Variants in ASS1 observed in about 807,000 individuals in gnomAD.
ASS1 encodes argininosuccinate synthase 1.
A neutral mutation model predicts 60.5 loss-of-function variants in ASS1; 58 were observed. The observed-to-expected ratio is 0.96, with a 90% CI of 0.78 to 1.19. The LOEUF is 1.19. Among genes scored for constraint, ASS1 ranks in the 50% most tolerant of loss-of-function variants. The pLI is 0.00. For missense variants in ASS1, 454 were observed against 547.3 expected (o/e 0.83, Z 1.70); for synonymous variants, 200 against 206.9 (o/e 0.97, Z 0.29).
intron 1 of ASS1, among the ~76,000 whole-genome samples, chr9:130,451,374 G>T (rs962153029): frequency 6.6e-6 from 1 of 152,200 alleles, no homozygotes; most frequent in Non-Finnish European, 1.5e-5. Context: ...TTAGGCCTCT[G>T]CCTGTCTATC....
intron 11 of ASS1, among the ~76,000 whole-genome samples, chr9:130,480,757 T>G (rs1241835343): frequency 1.3e-5 from 2 of 152,038 alleles, no homozygotes; most frequent in African/African-American, 4.8e-5. Context: ...CTGTCTTGTG[T>G]CTGGGGTGGG....
rs972054082 is a variant in ASS1 at position 130,477,484 on chromosome 9, C to T, written c.688+523C>T. ...TCTGGGCCTCACCCTGCTGACCCCACGTTCAAAGCTGCGGCCACTCTTGCT... is the reference window on the plus strand; with the variant it reads ...TCTGGGCCTCACCCTGCTGACCCCATGTTCAAAGCTGCGGCCACTCTTGCT... On this transcript the variant is annotated intron_variant, in intron 9 of 14. Transcript: ENST00000352480. The surrounding 1 kb of genome is among the most constrained non-coding windows in gnomAD (Gnocchi z 4.2). 3.9e-5 allele frequency among the ~76,000 whole-genome samples: 6 copies of T among 152,216 alleles called. No individual in the cohort carries two copies. Among genetic ancestry groups the T allele is most frequent in the Non-Finnish European group, 8.8e-5 (6 of 68,040 alleles).
In ASS1 at chr9:130,459,602, T is replaced by G. The variant is rs764165230; in HGVS notation, c.363+1013T>G. On this transcript the variant is annotated intron_variant, in intron 4 of 14. Coordinates refer to ENST00000352480, the MANE Select transcript of ASS1 (RefSeq NM_054012.4). This position sits in a 1 kb window ranked among gnomAD's most constrained non-coding sequence, Gnocchi z 4.6. Reference sequence around the variant, plus strand: ...GTGTACCCCACCACACCCGGCTAATTTTTTGTATTTTTAGTAGAGACGGGG... The same window carrying G: ...GTGTACCCCACCACACCCGGCTAATGTTTTGTATTTTTAGTAGAGACGGGG... Among the ~76,000 whole-genome samples the G allele has an allele frequency of 2.6e-5, 4 of 151,952 alleles. No homozygotes were observed. The highest frequency in any genetic ancestry group is 4.4e-5 in the Non-Finnish European group (3 of 68,002).
At chr9:130,445,476 G>A (rs567416213) in intron 1 of ASS1, among the ~76,000 whole-genome samples, 200 of 152,190 alleles carry the variant, frequency 1.3e-3, no homozygotes, top group Non-Finnish European at 1.8e-3. Flanking sequence ...GCCCCTCTGG[G>A]GCTTGGACGT....
At chr9:130,463,381 T>A (rs1845651479) in intron 4 of ASS1, among the ~76,000 whole-genome samples, 1 of 152,142 alleles carries the variant, frequency 6.6e-6, no homozygotes, top group South Asian at 2.1e-4. Context: ...GGGGTAACGT[T>A]CACAGCTCAG....
chr9:130,487,637 T>C (rs1395818553), intron 11 of ASS1, among the ~76,000 whole-genome samples: 3 of 152,098 alleles, frequency 2.0e-5, no homozygotes, highest in Non-Finnish European at 4.4e-5. Flanking sequence ...GCTGTATGAT[T>C]TTGATGACTC....
In ASS1 at chr9:130,494,061, A is replaced by G. The variant is rs1161510316; in HGVS notation, c.971-806A>G. On this transcript the variant is annotated intron_variant, in intron 12 of 14. Coordinates refer to ENST00000352480, the MANE Select transcript of ASS1 (RefSeq NM_054012.4). This position sits in a 1 kb window ranked among gnomAD's most constrained non-coding sequence, Gnocchi z 4.3. Reference sequence around the variant, plus strand: ...CTGGAGAAGTTTCTTAACTTCTCTGAGCCTCCCTTCCTCACCCAGAAAGGG... The same window carrying G: ...CTGGAGAAGTTTCTTAACTTCTCTGGGCCTCCCTTCCTCACCCAGAAAGGG... Among the ~76,000 whole-genome samples, 1 of 152,180 alleles carries G rather than the reference A, an allele frequency of 6.6e-6. No homozygotes were observed. Among genetic ancestry groups the G allele is most frequent in the African/African-American group, 2.4e-5 (1 of 41,446 alleles).
intron 11 of ASS1, among the ~76,000 whole-genome samples, chr9:130,484,978 G>C (rs1478857153): frequency 1.3e-5 from 2 of 152,204 alleles, no homozygotes. Context: ...CCCTCCGGAG[G>C]CTGCCTGGGA....
chr9:130,453,271 C>T (rs1204378202), intron 2 of ASS1, among the ~76,000 whole-genome samples: 1 of 152,264 alleles, frequency 6.6e-6, no homozygotes, highest in Non-Finnish European at 1.5e-5. Flanking sequence ...GGCGGGATTT[C>T]TTCCTCTCCA....
At chr9:130,493,672 C>T (rs1846508746) in intron 12 of ASS1, among the ~76,000 whole-genome samples, 1 of 152,178 alleles carries the variant, frequency 6.6e-6, no homozygotes, top group East Asian at 1.9e-4. Flanking sequence ...TCTGGCCCTG[C>T]AGCTGCCCAG....
At chr9:130,495,592 G>A (rs935082728) in intron 13 of ASS1, among the ~76,000 whole-genome samples, 6 of 151,940 alleles carry the variant, frequency 3.9e-5, no homozygotes. Flanking sequence ...GGGGAGGGGT[G>A]GAAGGGCAAA....
chr9:130,444,761 G>A (rs536508039), upstream of ASS1, among the ~76,000 whole-genome samples: 354 of 152,012 alleles, frequency 2.3e-3, 2 homozygotes, highest in African/African-American at 8.2e-3. The surrounding 1 kb of genome is among the most constrained non-coding windows in gnomAD (Gnocchi z 4.7). Context: ...CGGACCTGGT[G>A]GGAGGCGGGG....
chr9:130,488,129 C>T lies in ASS1; in HGVS notation c.839-1204C>T, dbSNP rs766374894. ...GCATTTTGCTTCTTCACTCATCCCT[C>T]GATGGACACCTGGGTTGCTTCCGCC... is the stretch of plus-strand genomic sequence containing the variant. On this transcript the variant is annotated intron_variant, in intron 11 of 14. Coordinates refer to ENST00000352480, the MANE Select transcript of ASS1 (RefSeq NM_054012.4). The surrounding 1 kb of genome is among the most constrained non-coding windows in gnomAD (Gnocchi z 5.2). 6.6e-6 allele frequency among the ~76,000 whole-genome samples: 1 copy of T among 151,992 alleles called. No individual in the cohort carries two copies. Among genetic ancestry groups the T allele is most frequent in the African/African-American group, 2.4e-5 (1 of 41,398 alleles).
At chr9:130,466,496 C>T in intron 5 of ASS1, 1 of 599,812 alleles carries the variant, frequency 1.7e-6, no homozygotes, top group Admixed American at 2.7e-5. Flanking sequence ...CCCAACACAC[C>T]ACCATTCTGC....
chr9:130,478,498 T>C lies in ASS1; in HGVS notation c.689-1218T>C, dbSNP rs1846078296. 6.6e-6 allele frequency among the ~76,000 whole-genome samples: 1 copy of C among 152,206 alleles called. No homozygotes were observed. Among genetic ancestry groups the C allele is most frequent in the South Asian group, 2.1e-4 (1 of 4,834 alleles). On this transcript the variant is annotated intron_variant, in intron 9 of 14. Transcript: ENST00000352480. The surrounding 1 kb of genome is among the most constrained non-coding windows in gnomAD (Gnocchi z 4.7). ...CTATTGTCATGATTTGGGGACTGTCTGGAAGAAGAAAAAAAGACCGGAGGA... is the reference window on the plus strand; with the variant it reads ...CTATTGTCATGATTTGGGGACTGTCCGGAAGAAGAAAAAAAGACCGGAGGA...
chr9:130,495,311 G>A (rs1846558546), intron 13 of ASS1, among the ~76,000 whole-genome samples: 1 of 152,002 alleles, frequency 6.6e-6, no homozygotes, highest in Admixed American at 6.6e-5. Flanking sequence ...GGCTAGGAGG[G>A]GTGGTGCATG....
In ASS1 at chr9:130,489,386, G is replaced by A. The variant is rs1372482894; in HGVS notation, c.892G>A (p.Glu298Lys). 8.1e-6 allele frequency: 13 copies of A among 1,613,736 alleles called. No individual in the cohort carries two copies. The highest frequency in any genetic ancestry group is 2.2e-5 in the East Asian group (1 of 44,872). The change falls in exon 12 of 15, where the codon GAG becomes AAG. Residue 298 changes from glutamate to lysine, a missense_variant. Transcript: ENST00000352480. The surrounding 1 kb of genome is among the most constrained non-coding windows in gnomAD (Gnocchi z 4.1). ...TILYHAHLDI[E>K]AFTMDREVRK... ...CCTTTACCATGCTCATTTAGACATC[G>A]AGGCCTTCACCATGGACCGGGAAGT...
At chr9:130,453,804 A>G (rs1845377402) in intron 2 of ASS1, among the ~76,000 whole-genome samples, 1 of 152,200 alleles carries the variant, frequency 6.6e-6, no homozygotes, top group African/African-American at 2.4e-5. Context: ...GGCACTGGCC[A>G]CAGGGACGGA....
In ASS1 at chr9:130,478,946, C is replaced by G. The variant is rs1846091426; in HGVS notation, c.689-770C>G. ...CGATGGCTCGCTCCATGGTAATGAGCCGGGCAGATGGGTGGGGGATTAGCC... is the reference window on the plus strand; with the variant it reads ...CGATGGCTCGCTCCATGGTAATGAGGCGGGCAGATGGGTGGGGGATTAGCC... On this transcript the variant is annotated intron_variant, in intron 9 of 14. Coordinates refer to ENST00000352480, the MANE Select transcript of ASS1 (RefSeq NM_054012.4). This position sits in a 1 kb window ranked among gnomAD's most constrained non-coding sequence, Gnocchi z 4.7. Among the ~76,000 whole-genome samples, 1 of 152,194 alleles carries G rather than the reference C, an allele frequency of 6.6e-6. No homozygotes were observed. Among genetic ancestry groups the G allele is most frequent in the Admixed American group, 6.5e-5 (1 of 15,282 alleles).
Sources: allele counts gnomAD v4.1 joint callset (sites outside exome capture counted in the v4.1 genomes callset), GRCh38; gene constraint gnomAD v4.1.1; non-coding constraint Gnocchi (gnomAD v3.1); transcripts MANE v1.5; gene names NCBI Gene and HGNC (gene_info 2026-07-23, HGNC 2026-07-21).